Variants in ITPR3 observed in about 807,000 individuals in gnomAD.
The protein encoded by ITPR3 is inositol 1,4,5-trisphosphate-gated calcium channel ITPR3.
ITPR3 carries 173 observed loss-of-function variants against 293.2 expected under a neutral mutation model. The observed-to-expected ratio is 0.59, with a 90% CI of 0.52 to 0.67. The LOEUF is 0.67. Ranked by LOEUF, ITPR3 falls within the 30% of genes least tolerant of loss-of-function variation. The pLI is 0.00. For missense variants in ITPR3, 2,796 were observed against 3,592.1 expected (o/e 0.78, Z 5.66); for synonymous variants, 1,295 against 1,444.4 (o/e 0.90, Z 2.35).
chr6:33,637,776 C>A lies in ITPR3; in HGVS notation c.90-2708C>A, dbSNP rs548696181. On this transcript the variant is annotated intron_variant, in intron 1 of 57. Transcript: ENST00000605930. ...CCGAGTAGCTGGGGTTACAAGAGTG[C>A]GTGTGCCACCACACCCGGCTAATTT... Among the ~76,000 whole-genome samples, 6 of 150,988 alleles carry A rather than the reference C, an allele frequency of 4.0e-5. No homozygotes were observed. The South Asian group carries it at 1.1e-3, about 26-fold the overall frequency.
At chr6:33,629,327 A>G (rs1299439914) in intron 1 of ITPR3, among the ~76,000 whole-genome samples, 2 of 152,170 alleles carry the variant, frequency 1.3e-5, no homozygotes, top group Non-Finnish European at 2.9e-5. Flanking sequence ...GGCCCAATCC[A>G]TAGTCAGATG....
rs1394300896 is a variant in ITPR3, at chr6:33,662,668, G to A, written c.852G>A (p.Glu284=). 3.7e-6 allele frequency: 6 copies of A among 1,606,986 alleles called. No homozygotes were observed. Among genetic ancestry groups the A allele is most frequent in the Non-Finnish European group, 3.4e-6 (4 of 1,179,916 alleles). The stretch of plus-strand genomic sequence containing the variant: ...CCACCAGCTCCAATGCTCTCTGGGA[G>A]GTGGAGGTCAGAAAAGCCCTGCTTC... ...TSATSSNALW[E]VEVVHHDPCR... The change falls in exon 8 of 58, where the codon GAG becomes GAA. Residue 284 remains glutamate, a synonymous_variant. Transcript: ENST00000605930.
intron 1 of ITPR3, among the ~76,000 whole-genome samples, chr6:33,636,123 C>CAAAAAAAAAAAAAAAA (rs59543122): frequency 1.2e-5 from 1 of 83,322 alleles, no homozygotes; most frequent in Non-Finnish European, 2.1e-5. Flanking sequence ...GCTGTCTCTA[C>CAAAAAAAAAAAAAAAA]AAAAAAAAAA....
chr6:33,639,306 G>C (rs1763893297), intron 1 of ITPR3, among the ~76,000 whole-genome samples: 2 of 151,780 alleles, frequency 1.3e-5, no homozygotes, highest in Non-Finnish European at 2.9e-5. Context: ...TTGAACCCGG[G>C]GGGCAGAGGT....
intron 7 of ITPR3, among the ~76,000 whole-genome samples, chr6:33,660,141 G>C (rs183041876): frequency 6.6e-6 from 1 of 152,164 alleles, no homozygotes; most frequent in Non-Finnish European, 1.5e-5. Flanking sequence ...AGCAGATGTG[G>C]GCGAGAGAGG....
intron 50 of ITPR3, 48 bp from the exon 51 acceptor site, chr6:33,689,986 A>G (rs370772013): frequency 6.2e-6 from 10 of 1,609,540 alleles, no homozygotes; most frequent in South Asian, 3.3e-5. Flanking sequence ...GTGCAGATTC[A>G]GCATAGGTGG....
At chr6:33,678,897 C>G (rs1764991601) in intron 30 of ITPR3, 58 bp downstream of exon 30, 26 of 1,532,900 alleles carry the variant, frequency 1.7e-5, no homozygotes, top group Non-Finnish European at 2.2e-5. Context: ...GGAGCAGAGG[C>G]TTGGCGGGAA....
rs907321194 is a variant in ITPR3, at chr6:33,688,517, G to A, written c.6568+86G>A. ...AACGGCCTCCTTTGCCTGCCTGTGG[G>A]TGCCCTGCGCCCAACCCCGCCTCAC... is the stretch of plus-strand genomic sequence containing the variant. On this transcript the variant is annotated intron_variant, in intron 48 of 57. Transcript: ENST00000605930. The A allele has an allele frequency of 5.3e-6, 8 of 1,501,648 alleles. No individual in the cohort carries two copies. The Admixed American group carries it at 1.0e-4, about 19-fold the overall frequency. 93.0% of individuals were successfully genotyped at this position (1,501,648 alleles called of 1,614,324 possible).
rs1041121965 is a variant in ITPR3 at position 33,684,080 on chromosome 6, C to G, written c.4849C>G (p.Leu1617Val). 1.2e-6 allele frequency: 2 copies of G among 1,611,550 alleles called. No individual in the cohort carries two copies. Among genetic ancestry groups the G allele is most frequent in the Admixed American group, 1.7e-5 (1 of 59,992 alleles). ...KPLVQAELSV[L>V]VDVLHWPELL... ...CCTGGTACAGGCTGAGCTGTCCGTG[C>G]TGGTGGATGTCCTGCACTGGCCTGA... Residue 1617 changes from leucine to valine, a missense_variant, in exon 36 of 58, where the codon CTG (leucine) becomes GTG (valine). Physicochemically the swap from Leu to Val is conservative, Grantham distance 32. Around this residue, in one of 8 missense-constraint regions of ITPR3, gnomAD observed 704 missense variants for 797.5 expected, o/e 0.88. Transcript: ENST00000605930. This position sits in a 1 kb window ranked among gnomAD's most constrained non-coding sequence, Gnocchi z 4.2.
At chr6:33,644,838 AT>A (rs1764029464) in intron 2 of ITPR3, among the ~76,000 whole-genome samples, 1 of 149,388 alleles carries the variant, frequency 6.7e-6, no homozygotes, top group Non-Finnish European at 1.5e-5. Context: ...TAATTTTTGT[AT>A]TTTTAGTACA....
Position 33,691,622 on chromosome 6 carries a change from C to G in ITPR3, c.7233C>G (p.Pro2411=), listed in dbSNP as rs1765392556. The G allele has an allele frequency of 1.2e-6, 2 of 1,613,848 alleles. No individual in the cohort carries two copies. The highest frequency in any genetic ancestry group is 1.7e-5 in the Admixed American group (1 of 59,986). ...RLPNNHSTAS[P]LGMPHGAAAF... is the part of the protein sequence containing the mutation. ...CATCCATATCCCCTCCAGCCAGCCC[C>G]CTGGGGATGCCACATGGAGCTGCTG... is the stretch of plus-strand genomic sequence containing the variant. Residue 2411 remains proline, a synonymous_variant, in exon 53 of 58, where the codon CCC becomes CCG. Coordinates refer to ENST00000605930, the MANE Select transcript of ITPR3 (RefSeq NM_002224.4). The surrounding 1 kb of genome is among the most constrained non-coding windows in gnomAD (Gnocchi z 4.9).
chr6:33,623,321 GTTTTGTTT>G (rs1763481647), intron 1 of ITPR3, among the ~76,000 whole-genome samples: 1 of 118,266 alleles, frequency 8.5e-6, no homozygotes, highest in African/African-American at 3.2e-5. Flanking sequence ...GTGCCTGTGA[GTTTTGTTT>G]TTTTTTTTTT....
chr6:33,641,021 C>T (rs985561663), intron 2 of ITPR3, among the ~76,000 whole-genome samples: 1 of 152,166 alleles, frequency 6.6e-6, no homozygotes, highest in Non-Finnish European at 1.5e-5. Context: ...CCTCAGCCCC[C>T]TCCTGTGTGT....
At position 33,675,868 on chromosome 6, in the gene ITPR3, A is replaced by ACCTGGC. The variant is rs779125627; in HGVS notation, c.3282+23_3282+28dup. On this transcript the variant is annotated intron_variant, in intron 25 of 57. Transcript: ENST00000605930. This position sits in a 1 kb window ranked among gnomAD's most constrained non-coding sequence, Gnocchi z 5.0. Reference sequence around the variant, plus strand: ...ACACCTTCAAGCAGGTGACGGGACTACCTGGCCCTGGCCCTGAGCATGAGG... The same window carrying ACCTGGC: ...ACACCTTCAAGCAGGTGACGGGACTACCTGGCCCTGGCCCTGGCCCTGAGCATGAGG... 50 of 1,549,678 alleles carry ACCTGGC rather than the reference A, an allele frequency of 3.2e-5. No homozygotes were observed. The East Asian group carries it at 1.1e-3, about 33-fold the overall frequency.
At position 33,688,666 on chromosome 6, in the gene ITPR3, G is replaced by A. The variant is rs147409470; in HGVS notation, c.6579G>A (p.Leu2193=). Residue 2193 remains leucine (L), a synonymous_variant, in exon 49 of 58, where the codon CTG becomes CTA. Coordinates refer to ENST00000605930, the MANE Select transcript of ITPR3 (RefSeq NM_002224.4). ...TGCCCTCCTCTTCAGGCATGCCGCTGATCTACTGGTTCTCCCGCCGCATGA... is the reference window on the plus strand; with the variant it reads ...TGCCCTCCTCTTCAGGCATGCCGCTAATCTACTGGTTCTCCCGCCGCATGA... The part of the protein sequence containing the change: ...EWQRKLRSMP[L]IYWFSRRMTL... The A allele has an allele frequency of 1.9e-6, 3 of 1,614,050 alleles. No homozygotes were observed. Among genetic ancestry groups the A allele is most frequent in the African/African-American group, 1.3e-5 (1 of 74,938 alleles).
In ITPR3 at chr6:33,665,777, G is replaced by A. The variant is rs1764593528; in HGVS notation, c.1410-58G>A. The A allele has an allele frequency of 5.6e-6, 9 of 1,599,472 alleles. No individual in the cohort carries two copies. In the South Asian group the frequency reaches 8.9e-5, roughly 16 times the overall value. On this transcript the variant is annotated intron_variant, in intron 13 of 57. Transcript: ENST00000605930. Reference sequence around the variant, plus strand: ...GTTTTGGGAGGGACTGGCTCCCCAAGAGGGACACCTGCTGGGTGGGTATCT... The same window carrying A: ...GTTTTGGGAGGGACTGGCTCCCCAAAAGGGACACCTGCTGGGTGGGTATCT...
At chr6:33,688,455 T>TGGGG in intron 48 of ITPR3, 24 bp downstream of exon 48, 4 of 169,474 alleles carry the variant, frequency 2.4e-5, no homozygotes, top group South Asian at 8.1e-5. Context: ...GGCGGGAGGG[T>TGGGG]GGGGCGGTCT....
rs768032801 is a variant in ITPR3 at position 33,671,299 on chromosome 6, C to G, written c.2721C>G (p.Asp907Glu). The G allele has an allele frequency of 5.6e-6, 9 of 1,611,702 alleles. No individual in the cohort carries two copies. Among genetic ancestry groups the G allele is most frequent in the Non-Finnish European group, 7.6e-6 (9 of 1,179,088 alleles). ...GPPAMLQAYE[D>E]PGGKNVRRSI... ...CGGCCATGCTGCAGGCCTATGAGGA[C>G]CCCGGTGGTGAGGCCTTTGCCCGGC... The change falls in exon 21 of 58, where the codon GAC (aspartate) becomes GAG (glutamate). Residue 907 changes from aspartate to glutamate, a missense_variant. Asp to Glu is a conservative substitution (Grantham distance 45). Coordinates refer to ENST00000605930, the MANE Select transcript of ITPR3 (RefSeq NM_002224.4).
chr6:33,692,818 A>G lies in ITPR3; in HGVS notation c.7549A>G (p.Ile2517Val). The change falls in exon 55 of 58, where the codon ATC (isoleucine) becomes GTC (valine). Residue 2517 changes from isoleucine to valine, a missense_variant. Physicochemically the swap from Ile to Val is conservative, Grantham distance 29. Around this residue, in one of 8 missense-constraint regions of ITPR3, gnomAD observed 568 missense variants for 796.1 expected, o/e 0.71. Transcript: ENST00000605930. This position sits in a 1 kb window ranked among gnomAD's most constrained non-coding sequence, Gnocchi z 4.2. ...IVLNLIFGVI[I>V]DTFADLRSEK... Reference sequence around the variant, plus strand: ...GCTGAACCTCATCTTTGGGGTAATCATCGACACCTTCGCTGACCTGCGTAG... The same window carrying G: ...GCTGAACCTCATCTTTGGGGTAATCGTCGACACCTTCGCTGACCTGCGTAG... 6.2e-7 allele frequency: 1 copy of G among 1,614,076 alleles called. No individual in the cohort carries two copies. Among genetic ancestry groups the G allele is most frequent in the Non-Finnish European group, 8.5e-7 (1 of 1,180,024 alleles).
Sources: gnomAD v4.1 joint callset for allele counts (sites outside exome capture counted in the v4.1 genomes callset) on GRCh38, gnomAD v4.1.1 for gene constraint, gnomAD v4.1.1 regional missense constraint, Gnocchi (gnomAD v3.1) non-coding constraint, MANE v1.5 for transcripts, NCBI Gene and HGNC (gene_info 2026-07-23, HGNC 2026-07-21) for gene names.